LRRC49: variants seen among roughly 807,000 people sequenced by gnomAD.
LRRC49 encodes the protein leucine rich repeat containing 49.
Under a neutral mutation model 83.3 loss-of-function variants are expected in LRRC49, and 50 were observed. That is an observed-to-expected ratio of 0.60 (90% CI 0.48 to 0.76). The LOEUF (loss-of-function observed/expected upper bound fraction) is 0.76. Among genes scored for constraint, LRRC49 ranks in the 30% least tolerant of loss-of-function variants. The pLI, the probability that LRRC49 is intolerant of heterozygous loss-of-function variation, is 0.00. For missense variants in LRRC49, 704 were observed against 809.1 expected (o/e 0.87, Z 1.58); for synonymous variants, 286 against 283.3 (o/e 1.01, Z -0.10).
intron 2 of LRRC49, among the ~76,000 whole-genome samples, chr15:70,893,874 T>G (rs1228269566): frequency 1.3e-5 from 2 of 152,098 alleles, no homozygotes; most frequent in Non-Finnish European, 2.9e-5. Context: ...TTTTGTTTTT[T>G]TTTTTTGACA....
chr15:70,924,792 A>T lies in LRRC49; in HGVS notation c.711+5599A>T, dbSNP rs189318960. Among the ~76,000 whole-genome samples the T allele has an allele frequency of 4.2e-4, 64 of 152,112 alleles. No individual in the cohort carries two copies. The East Asian group carries it at 0.012, about 29-fold the overall frequency. On this transcript the variant is annotated intron_variant, in intron 7 of 15. Transcript: ENST00000260382. ...TCTCTCAGTTTTTGTTTATCAAAAAATGAGTTTATTTTGCTTTTATTCATG... is the reference window on the plus strand; with the variant it reads ...TCTCTCAGTTTTTGTTTATCAAAAATTGAGTTTATTTTGCTTTTATTCATG...
At chr15:71,018,106 A>G (rs1596144916) in intron 14 of LRRC49, among the ~76,000 whole-genome samples, 1 of 152,134 alleles carries the variant, frequency 6.6e-6, no homozygotes, top group Non-Finnish European at 1.5e-5. Flanking sequence ...CTAACATGAA[A>G]TGATCCAGAG....
chr15:70,915,160 C>G lies in LRRC49; in HGVS notation c.567+3562C>G, dbSNP rs568952012. ...GTCCATGGCTGTAACGAGTAATTGA[C>G]TTTATTCCATAGCAGATGTTGTACA... On this transcript the variant is annotated intron_variant, in intron 6 of 15. Transcript: ENST00000260382. Among the ~76,000 whole-genome samples the G allele has an allele frequency of 7.2e-5, 11 of 152,288 alleles. No homozygotes were observed. The East Asian group carries it at 1.9e-3, about 27-fold the overall frequency.
At chr15:70,991,849 C>CA (rs1379123174) in intron 11 of LRRC49, among the ~76,000 whole-genome samples, 9 of 151,886 alleles carry the variant, frequency 5.9e-5, no homozygotes, top group Non-Finnish European at 1.2e-4. Context: ...CTTTCATATG[C>CA]AAAAAATATA....
chr15:70,957,614 A>T (rs546746315), intron 8 of LRRC49, among the ~76,000 whole-genome samples: 1 of 152,308 alleles, frequency 6.6e-6, no homozygotes, highest in South Asian at 2.1e-4. Flanking sequence ...CAGTGGTCAC[A>T]GTATCTTTCC....
At chr15:70,904,972 C>T (rs2034243396) in intron 5 of LRRC49, among the ~76,000 whole-genome samples, 1 of 152,268 alleles carries the variant, frequency 6.6e-6, no homozygotes, top group East Asian at 1.9e-4. Flanking sequence ...ATGTATTTTA[C>T]TTCCATTGCT....
intron 8 of LRRC49, among the ~76,000 whole-genome samples, chr15:70,960,103 T>A (rs935846005): frequency 6.6e-6 from 1 of 152,152 alleles, no homozygotes; most frequent in Non-Finnish European, 1.5e-5. Context: ...TAATCAAAGT[T>A]TGGAGAGTAC....
At chr15:70,926,511 GTTTTTTATTTTTTA>G (rs2035204618) in intron 7 of LRRC49, among the ~76,000 whole-genome samples, 1 of 151,886 alleles carries the variant, frequency 6.6e-6, no homozygotes, top group Non-Finnish European at 1.5e-5. Flanking sequence ...CAGTTTTTTT[GTTTTTTATTTTTTA>G]TTTTTATTAT....
In LRRC49 at chr15:71,040,595, G is replaced by A. The variant is rs147096435; in HGVS notation, c.1857+3263G>A. On this transcript the variant is annotated intron_variant, in intron 15 of 15. Transcript: ENST00000260382. ...AGCACTTTGGGAGGCCAAGGCAGGC[G>A]GATCATGAGGTTAGGAGATCGAGAC... Among the ~76,000 whole-genome samples, 60 of 152,140 alleles carry A rather than the reference G, an allele frequency of 3.9e-4. No individual in the cohort carries two copies. The East Asian group carries it at 7.8e-3, about 20-fold the overall frequency.
At chr15:70,893,871 T>G (rs2033704750) in intron 2 of LRRC49, among the ~76,000 whole-genome samples, 1 of 151,884 alleles carries the variant, frequency 6.6e-6, no homozygotes, top group Non-Finnish European at 1.5e-5. Flanking sequence ...TTTTTTTGTT[T>G]TTTTTTTTTG....
At chr15:70,871,235 A>C (rs2033026916) in intron 1 of LRRC49, among the ~76,000 whole-genome samples, 4 of 151,444 alleles carry the variant, frequency 2.6e-5, no homozygotes, top group African/African-American at 4.9e-5. Flanking sequence ...CCCTGAGTGG[A>C]CACAGCACAT....
chr15:70,941,628 T>A (rs983745152), intron 8 of LRRC49, among the ~76,000 whole-genome samples: 7 of 152,068 alleles, frequency 4.6e-5, no homozygotes, highest in African/African-American at 1.7e-4. Context: ...AGCAAAAAAA[T>A]CTAATGGATA....
chr15:70,892,610 C>G (rs1239959618), upstream of LRRC49: 4 of 1,457,114 alleles, frequency 2.7e-6, no homozygotes, highest in South Asian at 2.8e-5. Context: ...TGTGGCCAGC[C>G]TCTTCCCCAG....
In LRRC49 at chr15:71,049,573, T is replaced by C. The variant is rs1268064725; in HGVS notation, c.2022T>C (p.Tyr674=). The part of the protein sequence containing the change: ...AVIEIRNKNS[Y]MKLCLQQITD... ...TAGAAATTCGCAATAAAAATTCCTA[T>C]ATGAAGCTCTGCCTACAGCAGATAA... The change falls in exon 16 of 16, where the codon TAT becomes TAC. Residue 674 remains tyrosine, a synonymous_variant. Transcript: ENST00000260382. The C allele has an allele frequency of 1.2e-6, 2 of 1,613,904 alleles. No individual in the cohort carries two copies. Among genetic ancestry groups the C allele is most frequent in the Non-Finnish European group, 1.7e-6 (2 of 1,179,914 alleles).
At chr15:70,996,028 TG>T (rs1387808070) in intron 11 of LRRC49, among the ~76,000 whole-genome samples, 1 of 152,116 alleles carries the variant, frequency 6.6e-6, no homozygotes, top group Non-Finnish European at 1.5e-5. Context: ...CCACAATTTC[TG>T]GCAAAAGATT....
rs1595987110 is a variant in LRRC49 at position 70,892,832 on chromosome 15, G to C, written c.-63G>C. 1 of 1,614,150 alleles carries C rather than the reference G, an allele frequency of 6.2e-7. No individual in the cohort carries two copies. Among genetic ancestry groups the C allele is most frequent in the East Asian group, 2.2e-5 (1 of 44,880 alleles). On this transcript the variant is annotated 5_prime_UTR_variant, in exon 1 of 16. Coordinates refer to ENST00000260382, the MANE Select transcript of LRRC49 (RefSeq NM_017691.5). ...GAGATGACCTCTTTCGGGTCTCTTT[G>C]AATCTCCGCTGTAGCGTCACCTGGA... is the stretch of plus-strand genomic sequence containing the variant.
At chr15:70,916,572 G>A (rs1171332975) in intron 6 of LRRC49, among the ~76,000 whole-genome samples, 1 of 152,198 alleles carries the variant, frequency 6.6e-6, no homozygotes, top group African/African-American at 2.4e-5. Flanking sequence ...TGGGATTACA[G>A]GTGTGAGCTA....
At chr15:70,940,108 G>A (rs1002412058) in intron 8 of LRRC49, among the ~76,000 whole-genome samples, 1 of 151,832 alleles carries the variant, frequency 6.6e-6, no homozygotes, top group South Asian at 2.1e-4. Context: ...ATTTCAGCTT[G>A]ATAAGTCACC....
chr15:70,860,057 T>C, intron 1 of LRRC49: 1 of 736,540 alleles, frequency 1.4e-6, no homozygotes, highest in South Asian at 1.4e-5. Flanking sequence ...TGGCGCAGGC[T>C]CCAGCTCCTT....
Sources: allele counts gnomAD v4.1 joint callset (sites outside exome capture counted in the v4.1 genomes callset), GRCh38; gene constraint gnomAD v4.1.1; transcripts MANE v1.5; gene names NCBI Gene and HGNC (gene_info 2026-07-23, HGNC 2026-07-21).